DGKI: variants seen among roughly 807,000 people sequenced by gnomAD.
The protein encoded by DGKI is DAG kinase iota.
A neutral mutation model predicts 147.5 loss-of-function variants in DGKI; 55 were observed. The observed-to-expected ratio is 0.37, with a 90% CI of 0.30 to 0.47. The LOEUF is 0.47. Among genes scored for constraint, DGKI ranks in the 20% least tolerant of loss-of-function variants. DGKI has a pLI of 1.00. For missense variants in DGKI, 1,007 were observed against 1,323.8 expected (o/e 0.76, Z 3.71); for synonymous variants, 469 against 477.1 (o/e 0.98, Z 0.22).
At chr7:137,550,150 T>C (rs771338928) in intron 20 of DGKI, among the ~76,000 whole-genome samples, 5 of 150,730 alleles carry the variant, frequency 3.3e-5, no homozygotes, top group African/African-American at 1.2e-4. Flanking sequence ...TTGGGGTGTG[T>C]TGTTGTTGTT....
intron 25 of DGKI, among the ~76,000 whole-genome samples, chr7:137,466,674 G>A (rs1344171675): frequency 6.6e-6 from 1 of 152,100 alleles, no homozygotes; most frequent in East Asian, 1.9e-4. Flanking sequence ...ATGTCTACAA[G>A]TCAACTTATT....
intron 6 of DGKI, among the ~76,000 whole-genome samples, chr7:137,625,707 A>G (rs1820912691): frequency 6.6e-6 from 1 of 150,940 alleles, no homozygotes; most frequent in Non-Finnish European, 1.5e-5. Context: ...TGACCAGCCT[A>G]GGCAACACAG....
chr7:137,466,852 A>G (rs780150998), intron 25 of DGKI, 50 bp downstream of exon 25: 7 of 1,594,342 alleles, frequency 4.4e-6, no homozygotes, highest in African/African-American at 2.7e-5. Flanking sequence ...AATAAAGCAC[A>G]TTAACTTGGG....
At chr7:137,754,045 A>G (rs569277964) in intron 1 of DGKI, among the ~76,000 whole-genome samples, 10 of 152,178 alleles carry the variant, frequency 6.6e-5, no homozygotes, top group African/African-American at 9.6e-5. Context: ...AGTGAGGAGG[A>G]GCAAAAACAG....
At chr7:137,585,563 T>C (rs1318098337) in intron 13 of DGKI, among the ~76,000 whole-genome samples, 1 of 152,168 alleles carries the variant, frequency 6.6e-6, no homozygotes, top group African/African-American at 2.4e-5. Flanking sequence ...AGCTGAGGAA[T>C]ATTTTTTGTC....
intron 6 of DGKI, among the ~76,000 whole-genome samples, chr7:137,633,645 T>C (rs1188950692): frequency 6.6e-6 from 1 of 152,162 alleles, no homozygotes; most frequent in Non-Finnish European, 1.5e-5. Flanking sequence ...GACTGGAGAA[T>C]GGTGCCTGAA....
chr7:137,618,151 A>ATATATATATATATATATATATATATAT, intron 8 of DGKI, among the ~76,000 whole-genome samples: 3 of 10,466 alleles, frequency 2.9e-4, no homozygotes, highest in Admixed American at 3.6e-3. Flanking sequence ...ATATATATAT[A>ATATATATATATATATATATATATATAT]TTTTTTTTTT....
chr7:137,518,313 A>T (rs1334317259), intron 21 of DGKI, among the ~76,000 whole-genome samples: 1 of 152,168 alleles, frequency 6.6e-6, no homozygotes, highest in African/African-American at 2.4e-5. Flanking sequence ...GACTTTGTCA[A>T]GGTTTCAACT....
At chr7:137,611,771 A>G (rs2128993677) in intron 8 of DGKI, among the ~76,000 whole-genome samples, 1 of 152,306 alleles carries the variant, frequency 6.6e-6, no homozygotes, top group Admixed American at 6.5e-5. Context: ...CCCAACACCG[A>G]GCACAAATTC....
At chr7:137,582,352 T>C (rs1412304122) in intron 14 of DGKI, among the ~76,000 whole-genome samples, 1 of 152,096 alleles carries the variant, frequency 6.6e-6, no homozygotes, top group Non-Finnish European at 1.5e-5. Context: ...CAAGAATTTA[T>C]ATTCAGCAAA....
intron 6 of DGKI, among the ~76,000 whole-genome samples, chr7:137,636,389 T>C (rs1471850514): frequency 2.6e-5 from 4 of 152,184 alleles, no homozygotes; most frequent in African/African-American, 9.7e-5. Context: ...TCCTCTTCTA[T>C]GTTTCCCAGG....
intron 1 of DGKI, among the ~76,000 whole-genome samples, chr7:137,769,547 G>T (rs976505175): frequency 2.0e-5 from 3 of 151,964 alleles, no homozygotes; most frequent in African/African-American, 7.2e-5. Context: ...GGCAACCTAT[G>T]AATGGGAGAA....
In DGKI at chr7:137,564,837, C is replaced by T. The variant is rs139586045; in HGVS notation, c.1947+6338G>A. 1.2e-4 allele frequency among the ~76,000 whole-genome samples: 19 copies of T among 152,336 alleles called. No homozygotes were observed. The East Asian group carries it at 2.5e-3, about 20-fold the overall frequency. ...TTCTCTGAGCACAAGGGCGGTCCCT[C>T]GTGCCACCTGGAATGCAGCTGGCTG... On this transcript the variant is annotated intron_variant, in intron 19 of 32. Coordinates refer to ENST00000614521, the MANE Select transcript of DGKI (RefSeq NM_001321708.2).
At chr7:137,501,983 A>T (rs1418180115) in intron 21 of DGKI, among the ~76,000 whole-genome samples, 1 of 152,146 alleles carries the variant, frequency 6.6e-6, no homozygotes, top group Non-Finnish European at 1.5e-5. Context: ...TGGTTTTAAA[A>T]ATGGGAGTTT....
intron 26 of DGKI, among the ~76,000 whole-genome samples, chr7:137,465,175 A>G (rs892310201): frequency 1.3e-5 from 2 of 152,218 alleles, no homozygotes; most frequent in African/African-American, 2.4e-5. Context: ...GACAAGTAAC[A>G]TAACCCTTTA....
Position 137,456,736 on chromosome 7 carries a change from G to A in DGKI, c.2735+6753C>T, listed in dbSNP as rs560173939. ...CTTGGAACTCATGGCAATGAAGGGC[G>A]AGAATTTCCTGGGATTATTTCAAAT... On this transcript the variant is annotated intron_variant, in intron 27 of 32. Coordinates refer to ENST00000614521, the MANE Select transcript of DGKI (RefSeq NM_001321708.2). Among the ~76,000 whole-genome samples, 43 of 152,280 alleles carry A rather than the reference G, an allele frequency of 2.8e-4. No homozygotes were observed. The South Asian group carries it at 7.7e-3, about 27-fold the overall frequency.
intron 20 of DGKI, among the ~76,000 whole-genome samples, chr7:137,544,576 G>T (rs1019289140): frequency 1.3e-5 from 2 of 152,260 alleles, no homozygotes; most frequent in South Asian, 2.1e-4. Context: ...TCCATAAGAT[G>T]AGAGTTGAAA....
intron 3 of DGKI, among the ~76,000 whole-genome samples, chr7:137,663,776 G>A (rs1822530595): frequency 6.6e-6 from 1 of 152,168 alleles, no homozygotes; most frequent in South Asian, 2.1e-4. Context: ...GTTACAGAGA[G>A]GTGGAGATTT....
chr7:137,605,726 A>G (rs1820161268), intron 10 of DGKI, among the ~76,000 whole-genome samples: 1 of 152,218 alleles, frequency 6.6e-6, no homozygotes, highest in Non-Finnish European at 1.5e-5. Context: ...AAAAATTGAC[A>G]TGTTCTCACT....
Sources: gnomAD v4.1 joint callset for allele counts (sites outside exome capture counted in the v4.1 genomes callset) on GRCh38, gnomAD v4.1.1 for gene constraint, MANE v1.5 for transcripts, NCBI Gene and HGNC (gene_info 2026-07-23, HGNC 2026-07-21) for gene names.